FHIT: variants seen among roughly 807,000 people sequenced by gnomAD.
The protein encoded by FHIT is bis(5'-adenosyl)-triphosphatase.
FHIT carries 19 observed loss-of-function variants against 17.9 expected under a neutral mutation model. The ratio of observed to expected loss-of-function variants is 1.06; its 90% CI spans 0.74 to 1.56. FHIT has a LOEUF of 1.56. Among genes scored for constraint, FHIT ranks in the 40% most tolerant of loss-of-function variants. The pLI is 0.00. For synonymous variants in FHIT, 81 were observed against 69.7 expected, an observed-to-expected ratio of 1.16 and a Z score of -0.81; for missense variants, 248 against 189.2, an observed-to-expected ratio of 1.31 and a Z score of -1.82.
At chr3:60,278,867 T>C (rs1202104513) in intron 5 of FHIT, among the ~76,000 whole-genome samples, 4 of 152,068 alleles carry the variant, frequency 2.6e-5, no homozygotes, top group Non-Finnish European at 5.9e-5. Context: ...TTAGCAAAAT[T>C]TGTGGAATGC....
intron 5 of FHIT, among the ~76,000 whole-genome samples, chr3:60,198,694 A>G (rs181143355): frequency 1.3e-5 from 2 of 152,290 alleles, no homozygotes; most frequent in African/African-American, 4.8e-5. Context: ...GAAAAGCCCA[A>G]GGGAGGCGGT....
intron 8 of FHIT, among the ~76,000 whole-genome samples, chr3:59,865,289 A>G (rs1244496049): frequency 6.6e-6 from 1 of 152,236 alleles, no homozygotes; most frequent in African/African-American, 2.4e-5. Context: ...CATGGCTGTC[A>G]CAGTGAAAAT....
intron 4 of FHIT, among the ~76,000 whole-genome samples, chr3:60,636,539 T>C (rs1354981446): frequency 1.3e-5 from 2 of 152,300 alleles, no homozygotes; most frequent in East Asian, 1.9e-4. Context: ...TAAATTCCTA[T>C]GTAGTAAGAG....
Position 60,441,643 on chromosome 3 carries a change from T to C in FHIT, c.103+95217A>G, listed in dbSNP as rs2030809875. Among the ~76,000 whole-genome samples, 3 of 147,622 alleles carry C rather than the reference T, an allele frequency of 2.0e-5. No homozygotes were observed. In the South Asian group the frequency reaches 6.4e-4, roughly 32 times the overall value. On this transcript the variant is annotated intron_variant, in intron 5 of 9. Transcript: ENST00000492590. ...TTAGGCTATTGTCTTATAAAAGTTG[T>C]TGTAAATCTTAGGCCAATACATTCT...
chr3:61,044,440 G>A (rs1049867280), intron 2 of FHIT, among the ~76,000 whole-genome samples: 1 of 152,270 alleles, frequency 6.6e-6, no homozygotes, highest in African/African-American at 2.4e-5. Flanking sequence ...AGAAAAAAGA[G>A]TAAAAAGAGA....
intron 4 of FHIT, among the ~76,000 whole-genome samples, chr3:60,608,399 C>T (rs2038677729): frequency 6.6e-6 from 1 of 152,122 alleles, no homozygotes; most frequent in Non-Finnish European, 1.5e-5. Context: ...ATATGACACT[C>T]AATTACAGTT....
At chr3:60,205,307 T>A (rs1703121812) in intron 5 of FHIT, among the ~76,000 whole-genome samples, 1 of 152,150 alleles carries the variant, frequency 6.6e-6, no homozygotes, top group Admixed American at 6.5e-5. Context: ...TGTAAAACAA[T>A]GACTGAAAAA....
At chr3:59,891,330 G>A (rs1434717981) in intron 8 of FHIT, among the ~76,000 whole-genome samples, 1 of 152,206 alleles carries the variant, frequency 6.6e-6, no homozygotes, top group Non-Finnish European at 1.5e-5. Flanking sequence ...ATATGGAAAA[G>A]GGAGTGGTTT....
At chr3:60,697,318 T>C (rs2041136739) in intron 4 of FHIT, among the ~76,000 whole-genome samples, 1 of 152,148 alleles carries the variant, frequency 6.6e-6, no homozygotes, top group South Asian at 2.1e-4. Flanking sequence ...AGAGGACTGC[T>C]GGGGATGCTA....
intron 4 of FHIT, among the ~76,000 whole-genome samples, chr3:60,804,579 T>C (rs1701317090): frequency 6.6e-6 from 1 of 152,210 alleles, no homozygotes; most frequent in African/African-American, 2.4e-5. Flanking sequence ...AATGTAATAA[T>C]GTACATAGGA....
intron 5 of FHIT, among the ~76,000 whole-genome samples, chr3:60,441,781 A>AAAATATATATATATATATTTATATATAT (rs2030873548): frequency 4.1e-5 from 1 of 24,494 alleles, no homozygotes; most frequent in Admixed American, 4.8e-4. Context: ...TATATGTATA[A>AAAATATATATATATATATTTATATATAT]AAATATATAT....
At chr3:60,473,986 G>A (rs904439332) in intron 5 of FHIT, among the ~76,000 whole-genome samples, 2 of 152,002 alleles carry the variant, frequency 1.3e-5, no homozygotes, top group African/African-American at 2.4e-5. Flanking sequence ...ATGTATGGGG[G>A]AAAGACACAT....
intron 4 of FHIT, among the ~76,000 whole-genome samples, chr3:60,724,908 C>G (rs1553709004): frequency 6.6e-6 from 1 of 152,090 alleles, no homozygotes. Context: ...CTCAGCCTCC[C>G]AAAGTGCTGG....
At position 61,136,211 on chromosome 3, in the gene FHIT, C is replaced by A. The variant is rs562532517; in HGVS notation, c.-164+64406G>T. ...TGGTTAGGCAATGCCACCACCACCA[C>A]CGTCACCACGCCCCCACCCCCCTCA... is the stretch of plus-strand genomic sequence containing the variant. On this transcript the variant is annotated intron_variant, in intron 2 of 9. Coordinates refer to ENST00000492590, the MANE Select transcript of FHIT (RefSeq NM_002012.4). Among the ~76,000 whole-genome samples, 114 of 152,164 alleles carry A rather than the reference C, an allele frequency of 7.5e-4. No individual in the cohort carries two copies. The Middle Eastern group carries it at 0.01, about 14-fold the overall frequency.
At chr3:60,988,916 T>C (rs1473343541) in intron 3 of FHIT, among the ~76,000 whole-genome samples, 1 of 145,744 alleles carries the variant, frequency 6.9e-6, no homozygotes, top group Non-Finnish European at 1.5e-5. Context: ...AAAAGGCTTT[T>C]TTTTTTTTTT....
intron 5 of FHIT, among the ~76,000 whole-genome samples, chr3:60,185,316 T>C (rs187484284): frequency 6.6e-6 from 1 of 152,274 alleles, no homozygotes; most frequent in African/African-American, 2.4e-5. Flanking sequence ...GTAACAATGA[T>C]TTGTTTACCA....
At chr3:60,235,288 T>C (rs1026331191) in intron 5 of FHIT, among the ~76,000 whole-genome samples, 7 of 150,016 alleles carry the variant, frequency 4.7e-5, no homozygotes, top group Admixed American at 2.7e-4. Flanking sequence ...TCGAGTGCAA[T>C]GGCGTGGTCT....
At chr3:61,059,589 A>C (rs1407711700) in intron 2 of FHIT, among the ~76,000 whole-genome samples, 6 of 152,216 alleles carry the variant, frequency 3.9e-5, no homozygotes. Context: ...AAGTAGGAGG[A>C]AATGGAGACC....
chr3:60,185,901 T>G (rs563468381), intron 5 of FHIT, among the ~76,000 whole-genome samples: 2 of 152,242 alleles, frequency 1.3e-5, no homozygotes, highest in African/African-American at 4.8e-5. Context: ...TCTACCAACA[T>G]GTGACGTTGA....
Sources: allele counts gnomAD v4.1 joint callset (sites outside exome capture counted in the v4.1 genomes callset), GRCh38; gene constraint gnomAD v4.1.1; transcripts MANE v1.5; gene names NCBI Gene and HGNC (gene_info 2026-07-23, HGNC 2026-07-21).